The following CHST5 variants were observed in gnomAD, a reference collection of about 807,000 sequenced individuals.
CHST5 encodes GST4-alpha.
For synonymous variants in CHST5, 313 were observed against 279.2 expected, an observed-to-expected ratio of 1.12 and a Z score of -1.21; for missense variants, 637 against 602.1, an observed-to-expected ratio of 1.06 and a Z score of -0.61.
Position 75,530,014 on chromosome 16 carries a change from C to T in CHST5, c.371G>A (p.Cys124Tyr). 1 of 1,613,376 alleles carries T rather than the reference C, an allele frequency of 6.2e-7. No homozygotes were observed. Among genetic ancestry groups the T allele is most frequent in the Non-Finnish European group, 8.5e-7 (1 of 1,179,968 alleles). Residue 124 changes from cysteine to tyrosine, a missense_variant, in exon 4 of 4, where the codon TGC becomes TAC. Transcript: ENST00000336257. ...GTAGGCATCAAACACGTCCATGTCGCACAAAAAGATAGAGCGCATCAGGTC... is the reference window on the plus strand; with the variant it reads ...GTAGGCATCAAACACGTCCATGTCGTACAAAAAGATAGAGCGCATCAGGTC... ...VRDLMRSIFL[C>Y]DMDVFDAYMP... is the part of the protein sequence containing the mutation.
chr16:75,532,792 C>G (rs74820313), intron 3 of CHST5, among the ~76,000 whole-genome samples: 1,806 of 152,352 alleles, frequency 0.012, 43 homozygotes, highest in African/African-American at 0.04. Context: ...ATCACAAGTG[C>G]TAGGTGCTTC....
intron 1 of CHST5, among the ~76,000 whole-genome samples, 89 bp from the exon 2 acceptor site, chr16:75,535,498 C>T (rs920482984): frequency 6.6e-6 from 1 of 152,238 alleles, no homozygotes; most frequent in Non-Finnish European, 1.5e-5. Context: ...GCAGAGCTCC[C>T]TCCGGAGCCC....
Position 75,530,903 on chromosome 16 carries a change from G to C in CHST5, c.-519C>G. 2.0e-6 allele frequency: 2 copies of C among 1,002,798 alleles called. No individual in the cohort carries two copies. The highest frequency in any genetic ancestry group is 2.4e-6 in the Non-Finnish European group (2 of 831,346). 62.1% of individuals were successfully genotyped at this position (1,002,798 alleles called of 1,614,324 possible). Reference sequence around the variant, plus strand: ...TTCCGGTACCTGGCTCACAGGATCTGGGGGGATTGGGGGGTTATTATAATG... The same window carrying C: ...TTCCGGTACCTGGCTCACAGGATCTCGGGGGATTGGGGGGTTATTATAATG... On this transcript the variant is annotated 5_prime_UTR_variant, in exon 4 of 4. Transcript: ENST00000336257.
In CHST5 at chr16:75,531,649, G is replaced by A; in HGVS notation, c.-1256-9C>T. 2.3e-6 allele frequency: 3 copies of A among 1,303,338 alleles called. No individual in the cohort carries two copies. The highest frequency in any genetic ancestry group is 3.0e-6 in the Non-Finnish European group (3 of 988,210). The allele number at this position is 1,303,338 out of a possible 1,614,324, so 80.7% of individuals were successfully genotyped here. On this transcript the variant is annotated splice_polypyrimidine_tract_variant and intron_variant, in intron 3 of 3. Coordinates refer to ENST00000336257, the MANE Select transcript of CHST5 (RefSeq NM_024533.5). ...GGGAGATGTCTCGACATCTGGCAAA[G>A]CAGGAAGGAGAGGAGATCAGAGCCC...
Position 75,531,632 on chromosome 16 carries a change from T to A in CHST5, c.-1248A>T, listed in dbSNP as rs781780680. On this transcript the variant is annotated 5_prime_UTR_variant, in exon 4 of 4. Transcript: ENST00000336257. ...GCTGATCACAAATCCATGGGAGATG[T>A]CTCGACATCTGGCAAAGCAGGAAGG... 2 of 1,303,828 alleles carry A rather than the reference T, an allele frequency of 1.5e-6. No homozygotes were observed. The highest frequency in any genetic ancestry group is 3.0e-5 in the African/African-American group (2 of 65,806). The allele number at this position is 1,303,828 out of a possible 1,614,324, so 80.8% of individuals were successfully genotyped here.
Position 75,533,077 on chromosome 16 carries a change from G to C in CHST5, c.-1257+12C>G. On this transcript the variant is annotated intron_variant, in intron 3 of 3. Transcript: ENST00000336257. ...AGGGAGGATCTTGATCCCAAGCTAA[G>C]GTGTTTGTTACCTGTGTTCCAGGAA... The C allele has an allele frequency of 2.9e-6, 2 of 700,362 alleles. No individual in the cohort carries two copies. The highest frequency in any genetic ancestry group is 5.2e-6 in the Non-Finnish European group (2 of 383,658). The allele number at this position is 700,362 out of a possible 1,614,324, so 43.4% of individuals were successfully genotyped here. A position where few individuals can be genotyped will look rare whatever the true frequency, so the allele number is the denominator to read the frequency against.
chr16:75,532,998 C>G, intron 3 of CHST5, 91 bp downstream of exon 3: 1 of 629,888 alleles, frequency 1.6e-6, no homozygotes, highest in Non-Finnish European at 2.9e-6. Context: ...GTGCAGGACC[C>G]TGCTGCTCTG....
At position 75,529,097 on chromosome 16, in the gene CHST5, C is replaced by T. The variant is rs1227344614; in HGVS notation, c.*52G>A. 1 of 1,507,074 alleles carries T rather than the reference C, an allele frequency of 6.6e-7. No homozygotes were observed. Among genetic ancestry groups the T allele is most frequent in the South Asian group, 1.4e-5 (1 of 73,800 alleles). 93.4% of individuals were successfully genotyped at this position (1,507,074 alleles called of 1,614,324 possible). On this transcript the variant is annotated 3_prime_UTR_variant, in exon 4 of 4. Coordinates refer to ENST00000336257, the MANE Select transcript of CHST5 (RefSeq NM_024533.5). Reference sequence around the variant, plus strand: ...CAGCTCCCTCTCCACCATGCAGTCGCCTCCTGGGCCTGGCGACCACAGTTC... The same window carrying T: ...CAGCTCCCTCTCCACCATGCAGTCGTCTCCTGGGCCTGGCGACCACAGTTC...
In CHST5 at chr16:75,528,684, A is replaced by G. The variant is rs1162906098; in HGVS notation, c.*465T>C. On this transcript the variant is annotated 3_prime_UTR_variant, in exon 4 of 4. Transcript: ENST00000336257. ...CACCTCAGCCTCCTAAGTAGCTGGG[A>G]TTACAGGAGTGTGCCACCACGCCGG... 6.4e-6 allele frequency: 1 copy of G among 156,176 alleles called. No individual in the cohort carries two copies. Among genetic ancestry groups the G allele is most frequent in the Non-Finnish European group, 1.4e-5 (1 of 70,670 alleles). 9.7% of individuals were successfully genotyped at this position (156,176 alleles called of 1,614,324 possible). A position where few individuals can be genotyped will look rare whatever the true frequency, so the allele number is the denominator to read the frequency against.
At position 75,530,342 on chromosome 16, in the gene CHST5, G is replaced by A. The variant is rs767335208; in HGVS notation, c.43C>T (p.Arg15Ter). The change falls in exon 4 of 4, where the codon CGA (arginine) becomes TGA (stop). Residue 15 changes from arginine to a stop codon, truncating the protein, a stop_gained. Transcript: ENST00000336257. LOFTEE classifies it low-confidence loss of function (END_TRUNC). The stretch of plus-strand genomic sequence containing the variant: ...CACATGCGGGCGGCTGGGGGCCTTC[G>A]GGTGGAGTGGGCAACTTTAGGGACC... ...ARVPKVAHST[R>*]RPPAARMWLP... The A allele has an allele frequency of 8.2e-6, 13 of 1,583,348 alleles. No individual in the cohort carries two copies. Among genetic ancestry groups the A allele is most frequent in the Middle Eastern group, 1.7e-4 (1 of 6,026 alleles).
rs773773727 is a variant in CHST5, at chr16:75,529,506, C to T, written c.879G>A (p.Val293=). 1 of 1,611,250 alleles carries T rather than the reference C, an allele frequency of 6.2e-7. No individual in the cohort carries two copies. Among genetic ancestry groups the T allele is most frequent in the Non-Finnish European group, 8.5e-7 (1 of 1,179,638 alleles). Reference sequence around the variant, plus strand: ...GCTCCCGCGCCAGGTCCTCGAAGCGCACCAGGCGGTAGCGGCCGCGCAGGA... The same window carrying T: ...GCTCCCGCGCCAGGTCCTCGAAGCGTACCAGGCGGTAGCGGCCGCGCAGGA... The part of the protein sequence containing the change: ...PPFLRGRYRL[V]RFEDLAREPL... Residue 293 remains valine (V), a synonymous_variant, in exon 4 of 4, where the codon GTG becomes GTA. Transcript: ENST00000336257.
In CHST5 at chr16:75,530,740, C is replaced by G. The variant is rs746776710; in HGVS notation, c.-356G>C. The G allele has an allele frequency of 4.2e-5, 45 of 1,062,372 alleles. No individual in the cohort carries two copies. The highest frequency in any genetic ancestry group is 5.2e-5 in the Non-Finnish European group (45 of 869,016). The allele number at this position is 1,062,372 out of a possible 1,614,324, so 65.8% of individuals were successfully genotyped here. On this transcript the variant is annotated 5_prime_UTR_variant, in exon 4 of 4. Transcript: ENST00000336257. The stretch of plus-strand genomic sequence containing the variant: ...AGCTAAAAGGGCTTGATGGGGGCTT[C>G]GGTGGATGTCAGAGCACCACCAGGC...
rs1488213196 is a variant in CHST5, at chr16:75,530,586, A to G, written c.-202T>C. On this transcript the variant is annotated 5_prime_UTR_variant, in exon 4 of 4. Coordinates refer to ENST00000336257, the MANE Select transcript of CHST5 (RefSeq NM_024533.5). ...AATGTGGGATATCATCAAACTGTCTACCTACCCACCCACCCACCTACTTAC... is the reference window on the plus strand; with the variant it reads ...AATGTGGGATATCATCAAACTGTCTGCCTACCCACCCACCCACCTACTTAC... 9 of 1,423,728 alleles carry G rather than the reference A, an allele frequency of 6.3e-6. No individual in the cohort carries two copies. The highest frequency in any genetic ancestry group is 8.3e-6 in the Non-Finnish European group (9 of 1,087,462). The allele number at this position is 1,423,728 out of a possible 1,614,324, so 88.2% of individuals were successfully genotyped here. A position where few individuals can be genotyped will look rare whatever the true frequency, so the allele number is the denominator to read the frequency against.
rs2641806 is a variant in CHST5, at chr16:75,531,522, A to T, written c.-1138T>A. The T allele has an allele frequency of 1.3e-5, 17 of 1,300,120 alleles. No individual in the cohort carries two copies. Among genetic ancestry groups the T allele is most frequent in the Non-Finnish European group, 1.7e-5 (17 of 987,246 alleles). The allele number at this position is 1,300,120 out of a possible 1,614,324, so 80.5% of individuals were successfully genotyped here. On this transcript the variant is annotated 5_prime_UTR_variant, in exon 4 of 4. Coordinates refer to ENST00000336257, the MANE Select transcript of CHST5 (RefSeq NM_024533.5). ...TTGATGGGGAGCTGGGATGGAGCCCAAGAAGCAGAGAGGTGAGAGCAGAGT... is the reference window on the plus strand; with the variant it reads ...TTGATGGGGAGCTGGGATGGAGCCCTAGAAGCAGAGAGGTGAGAGCAGAGT...
rs549820447 is a variant in CHST5, at chr16:75,529,855, C to A, written c.530G>T (p.Arg177Leu). ...CTCCCGGGCCAGGCTGAATGGCTGCCGCGTGCACAGTGTCTTGCATACGTC... is the reference window on the plus strand; with the variant it reads ...CTCCCGGGCCAGGCTGAATGGCTGCAGCGTGCACAGTGTCTTGCATACGTC... ...KQDVCKTLCT[R>L]QPFSLAREAC... Residue 177 changes from arginine (R) to leucine (L), a missense_variant, in exon 4 of 4, where the codon CGG (arginine) becomes CTG (leucine). Coordinates refer to ENST00000336257, the MANE Select transcript of CHST5 (RefSeq NM_024533.5). The A allele has an allele frequency of 6.2e-7, 1 of 1,613,458 alleles. No homozygotes were observed. The highest frequency in any genetic ancestry group is 1.3e-5 in the African/African-American group (1 of 74,936).
At chr16:75,532,218 C>A (rs117814684) in intron 3 of CHST5, among the ~76,000 whole-genome samples, 2,230 of 152,290 alleles carry the variant, frequency 0.015, 34 homozygotes, top group Non-Finnish European at 0.019. Context: ...ACCTACCCTT[C>A]CAATCCCTGT....
rs1219321975 is a variant in CHST5 at position 75,529,341 on chromosome 16, C to A, written c.1044G>T (p.Ala348=). 3.1e-6 allele frequency: 5 copies of A among 1,613,044 alleles called. No homozygotes were observed. The highest frequency in any genetic ancestry group is 4.2e-6 in the Non-Finnish European group (5 of 1,179,884). The change falls in exon 4 of 4, where the codon GCG becomes GCT. Residue 348 remains alanine (A), a synonymous_variant. Coordinates refer to ENST00000336257, the MANE Select transcript of CHST5 (RefSeq NM_024533.5). Reference sequence around the variant, plus strand: ...GGCGCCAGGCCTGGGAGACGTTGCGCGCATTCCTAGACGAAGTATGGAAGG... The same window carrying A: ...GGCGCCAGGCCTGGGAGACGTTGCGAGCATTCCTAGACGAAGTATGGAAGG... ...IEAFHTSSRN[A]RNVSQAWRHA...
rs1305750776 is a variant in CHST5, at chr16:75,530,367, C to G, written c.18G>C (p.Arg6=). 6.4e-7 allele frequency: 1 copy of G among 1,552,724 alleles called. No homozygotes were observed. Among genetic ancestry groups the G allele is most frequent in the Non-Finnish European group, 8.7e-7 (1 of 1,148,290 alleles). The change falls in exon 4 of 4, where the codon CGG becomes CGC. Residue 6 remains arginine, a synonymous_variant. Coordinates refer to ENST00000336257, the MANE Select transcript of CHST5 (RefSeq NM_024533.5). The part of the protein sequence containing the change: MGMRA[R]VPKVAHSTRR... ...GGGTGGAGTGGGCAACTTTAGGGAC[C>G]CGGGCCCTCATGCCCATCCCATGCC...
intron 3 of CHST5, among the ~76,000 whole-genome samples, chr16:75,532,059 C>A (rs1288628587): frequency 6.6e-6 from 1 of 152,154 alleles, no homozygotes; most frequent in Admixed American, 6.5e-5. Flanking sequence ...ATGGATGCTG[C>A]TGCAAACACC....
Sources: gnomAD v4.1 joint callset for allele counts (sites outside exome capture counted in the v4.1 genomes callset) on GRCh38, gnomAD v4.1.1 for gene constraint, MANE v1.5 for transcripts, NCBI Gene and HGNC (gene_info 2026-07-23, HGNC 2026-07-21) for gene names.